The following IPP variants were observed in gnomAD, a reference collection of about 807,000 sequenced individuals.
IPP encodes intracisternal A particle-promoted polypeptide.
IPP carries 41 observed loss-of-function variants against 64.1 expected under a neutral mutation model. The observed-to-expected ratio is 0.64, with a 90% CI of 0.50 to 0.83. The LOEUF (loss-of-function observed/expected upper bound fraction) is 0.83, where lower values mean the gene tolerates loss of function less well. IPP is among the 40% of genes least tolerant of loss of function. The probability of loss-of-function intolerance (pLI) is 0.00; values close to 1 mark genes in which losing one functional copy is unlikely to be tolerated. For synonymous variants in IPP, 214 were observed against 235.2 expected (o/e 0.91, Z 0.83); for missense variants, 649 against 703.0 (o/e 0.92, Z 0.87).
intron 2 of IPP, among the ~76,000 whole-genome samples, chr1:45,744,482 C>T (rs1395448019): frequency 6.6e-6 from 1 of 152,100 alleles, no homozygotes; most frequent in Non-Finnish European, 1.5e-5. Context: ...CTCCTGGATC[C>T]TCCCACATCA....
intron 8 of IPP, among the ~76,000 whole-genome samples, chr1:45,712,873 A>AT (rs1261200575): frequency 7.6e-5 from 11 of 144,136 alleles, no homozygotes; most frequent in African/African-American, 2.6e-4. Flanking sequence ...AAGAAAAAAA[A>AT]AAAAAATATA....
chr1:45,702,205 G>T (rs1385473149), intron 8 of IPP, among the ~76,000 whole-genome samples: 7 of 151,596 alleles, frequency 4.6e-5, no homozygotes, highest in Non-Finnish European at 7.4e-5. Context: ...ATTTCTACCA[G>T]TGTATTAGAA....
At chr1:45,734,470 C>T (rs769451475) in intron 3 of IPP, among the ~76,000 whole-genome samples, 6 of 151,406 alleles carry the variant, frequency 4.0e-5, no homozygotes, top group Non-Finnish European at 7.4e-5. Context: ...AAGAGTCTTG[C>T]TCTGTTGCTC....
downstream of IPP, chr1:45,697,004 A>T (rs1645393468): frequency 6.6e-6 from 1 of 152,226 alleles, no homozygotes; most frequent in Admixed American, 6.5e-5. Context: ...ATCTGTTTTG[A>T]ATCAGAATAC....
At chr1:45,739,824 C>CTT (rs552340899) in intron 3 of IPP, among the ~76,000 whole-genome samples, 4 of 127,972 alleles carry the variant, frequency 3.1e-5, no homozygotes, top group African/African-American at 1.2e-4. Context: ...AAGAGGAAAT[C>CTT]TTTTTTTTTT....
intron 3 of IPP, among the ~76,000 whole-genome samples, chr1:45,731,929 T>C (rs1645911786): frequency 6.8e-6 from 1 of 146,778 alleles, no homozygotes; most frequent in African/African-American, 2.5e-5. Flanking sequence ...AGAGCAACAC[T>C]CCGTCTCGGG....
In IPP at chr1:45,746,245, G is replaced by A. The variant is rs755606706; in HGVS notation, c.167C>T (p.Ala56Val). The change falls in exon 2 of 9, where the codon GCT (alanine) becomes GTT (valine). Residue 56 changes from alanine (A) to valine (V), a missense_variant. Transcript: ENST00000396478. ...ESFKAHRLVL[A>V]ASSPYFAALF... ...AGCTGCAAAGTAAGGACTGCTGGCA[G>A]CCAAAACCAGCCGATGAGCTTTAAA... 3.1e-6 allele frequency: 5 copies of A among 1,614,122 alleles called. No homozygotes were observed. Among genetic ancestry groups the A allele is most frequent in the Non-Finnish European group, 4.2e-6 (5 of 1,180,010 alleles).
intron 5 of IPP, 45 bp from the exon 6 acceptor site, chr1:45,719,385 C>A: frequency 7.7e-7 from 1 of 1,293,742 alleles, no homozygotes; most frequent in East Asian, 2.4e-5. Context: ...TTAGTAATGC[C>A]AACAGACTAG....
chr1:45,735,293 A>G (rs1050194546), intron 3 of IPP, among the ~76,000 whole-genome samples: 10 of 151,876 alleles, frequency 6.6e-5, no homozygotes, highest in Non-Finnish European at 1.0e-4. Context: ...CATATTGGCC[A>G]GGCTGGTCTC....
chr1:45,734,727 C>T (rs559575262), intron 3 of IPP, among the ~76,000 whole-genome samples: 53 of 152,192 alleles, frequency 3.5e-4, no homozygotes, highest in Admixed American at 3.0e-3. Context: ...TCAAGCAATT[C>T]TCCTGCCTCA....
At chr1:45,715,331 A>T (rs947554403) in intron 7 of IPP, among the ~76,000 whole-genome samples, 4 of 152,152 alleles carry the variant, frequency 2.6e-5, no homozygotes, top group Non-Finnish European at 5.9e-5. Flanking sequence ...AGGAGTTACA[A>T]AGAATTATAT....
chr1:45,736,712 T>G (rs1645985787), intron 3 of IPP, among the ~76,000 whole-genome samples: 1 of 152,082 alleles, frequency 6.6e-6, no homozygotes, highest in Non-Finnish European at 1.5e-5. Context: ...ACACTCTCAC[T>G]GTGTCTAATT....
chr1:45,706,587 T>A (rs774266904), intron 8 of IPP, among the ~76,000 whole-genome samples: 8 of 152,194 alleles, frequency 5.3e-5, no homozygotes, highest in Non-Finnish European at 1.0e-4. Context: ...GTAGCTGGGA[T>A]TACAGGCATG....
chr1:45,742,301 C>CGGG (rs1646077361), intron 2 of IPP, among the ~76,000 whole-genome samples: 1 of 152,034 alleles, frequency 6.6e-6, no homozygotes, highest in African/African-American at 2.4e-5. Flanking sequence ...AAATTATCTA[C>CGGG]ATACCAAGCC....
intron 3 of IPP, among the ~76,000 whole-genome samples, chr1:45,732,659 T>C (rs1225446099): frequency 7.3e-6 from 1 of 137,866 alleles, no homozygotes; most frequent in Non-Finnish European, 1.6e-5. Context: ...ATTTAAAGTA[T>C]TTTTATTTAT....
At chr1:45,718,539 C>T (rs1326484346) in intron 6 of IPP, among the ~76,000 whole-genome samples, 1 of 150,170 alleles carries the variant, frequency 6.7e-6, no homozygotes, top group East Asian at 2.0e-4. Flanking sequence ...CGCCTGAGTG[C>T]CTCCTTAGGA....
At position 45,700,182 on chromosome 1, in the gene IPP, C is replaced by G. The variant is rs773185804; in HGVS notation, c.1539G>C (p.Trp513Cys). 6 of 1,610,500 alleles carry G rather than the reference C, an allele frequency of 3.7e-6. No homozygotes were observed. Among genetic ancestry groups the G allele is most frequent in the African/African-American group, 2.7e-5 (2 of 74,318 alleles). Residue 513 changes from tryptophan (W) to cysteine (C), a missense_variant, in exon 9 of 9, where the codon TGG becomes TGC. By Grantham distance (215) the Trp-to-Cys change is radical (BLOSUM62 -2). Transcript: ENST00000396478. ...VEKYSFEEEK[W>C]VEVASMKVPR... Reference sequence around the variant, plus strand: ...GCACTTTCATTGAGGCAACTTCAACCCACTTTTCCTGGTTAAGAGAGAAAA... The same window carrying G: ...GCACTTTCATTGAGGCAACTTCAACGCACTTTTCCTGGTTAAGAGAGAAAA...
rs553468511 is a variant in IPP, at chr1:45,747,182, A to G, written c.-50-721T>C. On this transcript the variant is annotated intron_variant, in intron 1 of 8. Transcript: ENST00000396478. ...CCTTTAAAGGCAGGTACTATCTTTCATAGCTTTAGCACCAGTATATAACAT... is the reference window on the plus strand; with the variant it reads ...CCTTTAAAGGCAGGTACTATCTTTCGTAGCTTTAGCACCAGTATATAACAT... Among the ~76,000 whole-genome samples, 78 of 152,188 alleles carry G rather than the reference A, an allele frequency of 5.1e-4. 1 individual carries two copies. Among genetic ancestry groups the G allele is most frequent in the African/African-American group, 1.8e-3 (73 of 41,544 alleles).
chr1:45,703,326 T>G (rs1047179759), intron 8 of IPP, among the ~76,000 whole-genome samples: 2 of 150,532 alleles, frequency 1.3e-5, no homozygotes, highest in African/African-American at 4.9e-5. Flanking sequence ...TGGGCTCAAG[T>G]GATCTACCCA....
Sources: allele counts gnomAD v4.1 joint callset (sites outside exome capture counted in the v4.1 genomes callset), GRCh38; gene constraint gnomAD v4.1.1; transcripts MANE v1.5; gene names NCBI Gene and HGNC (gene_info 2026-07-23, HGNC 2026-07-21).